PDCD6IP: variants seen among roughly 807,000 people sequenced by gnomAD.
PDCD6IP encodes programmed cell death 6-interacting protein.
PDCD6IP carries 43 observed loss-of-function variants against 103.7 expected under a neutral mutation model. That is an observed-to-expected ratio of 0.41 (90% CI 0.32 to 0.53). The LOEUF (loss-of-function observed/expected upper bound fraction) is 0.53, where lower values mean the gene tolerates loss of function less well. Ranked by LOEUF, PDCD6IP falls within the 20% of genes least tolerant of loss-of-function variation. The pLI, the probability that PDCD6IP is intolerant of heterozygous loss-of-function variation, is 0.16. For missense variants in PDCD6IP, 871 were observed against 1,036.7 expected, an observed-to-expected ratio of 0.84 and a Z score of 2.20; for synonymous variants, 354 against 378.7, an observed-to-expected ratio of 0.93 and a Z score of 0.76.
At chr3:33,814,225 A>C (rs113740201) in intron 3 of PDCD6IP, among the ~76,000 whole-genome samples, 1 of 151,120 alleles carries the variant, frequency 6.6e-6, no homozygotes, top group Non-Finnish European at 1.5e-5. Context: ...GCTCACTGCA[A>C]CCTCTGCCTA....
chr3:33,815,984 G>T (rs990855064), intron 3 of PDCD6IP, among the ~76,000 whole-genome samples: 1 of 152,166 alleles, frequency 6.6e-6, no homozygotes, highest in Non-Finnish European at 1.5e-5. Context: ...CTGGGAATGA[G>T]GTTGAGAAAA....
rs1696817349 is a variant in PDCD6IP at position 33,815,093 on chromosome 3, A to ATATATGTG, written c.334+1465_334+1466insTATATGTG. ...ATTATATAGTATGTGCATACCATAT[A>ATATATGTG]CATACATGTATCTATATATCTTATA... is the stretch of plus-strand genomic sequence containing the variant. On this transcript the variant is annotated intron_variant, in intron 3 of 17. Coordinates refer to ENST00000307296, the MANE Select transcript of PDCD6IP (RefSeq NM_013374.6). Among the ~76,000 whole-genome samples the ATATATGTG allele has an allele frequency of 8.1e-5, 12 of 149,008 alleles. No homozygotes were observed. The Admixed American group carries it at 8.1e-4, about 10-fold the overall frequency.
At chr3:33,800,421 A>T (rs1696450206) in intron 1 of PDCD6IP, among the ~76,000 whole-genome samples, 2 of 152,126 alleles carry the variant, frequency 1.3e-5, no homozygotes. Context: ...AATTGCCCTT[A>T]TCTGAGTCAT....
At chr3:33,855,652 G>T (rs1697810876) in intron 15 of PDCD6IP, among the ~76,000 whole-genome samples, 1 of 152,220 alleles carries the variant, frequency 6.6e-6, no homozygotes, top group Non-Finnish European at 1.5e-5. Context: ...ATCACTTTCA[G>T]AAGGAGGCTG....
In PDCD6IP at chr3:33,822,043, T is replaced by C; in HGVS notation, c.423T>C (p.Asp141=). 6.2e-7 allele frequency: 1 copy of C among 1,614,112 alleles called. No homozygotes were observed. Among genetic ancestry groups the C allele is most frequent in the East Asian group, 2.2e-5 (1 of 44,870 alleles). Residue 141 remains aspartate (D), a synonymous_variant, in exon 4 of 18, where the codon GAT becomes GAC. Coordinates refer to ENST00000307296, the MANE Select transcript of PDCD6IP (RefSeq NM_013374.6). The part of the protein sequence containing the change: ...ASQIAAEQNL[D]NDEGLKIAAK... ...AAATTGCAGCAGAACAGAACCTGGA[T>C]AATGATGAAGGATTGAAAATCGCTG...
Position 33,798,652 on chromosome 3 carries a change from C to T in PDCD6IP, c.-77C>T, listed in dbSNP as rs879206808. The T allele has an allele frequency of 1.5e-6, 2 of 1,339,420 alleles. No homozygotes were observed. Among genetic ancestry groups the T allele is most frequent in the Non-Finnish European group, 2.0e-6 (2 of 989,996 alleles). The allele number at this position is 1,339,420 out of a possible 1,614,324, so 83.0% of individuals were successfully genotyped here. ...GCCAGTCAGTCCGCCAGTCCGCCAGCCCAGTACCTCTCTCTCCTCGGCCCT... is the reference window on the plus strand; with the variant it reads ...GCCAGTCAGTCCGCCAGTCCGCCAGTCCAGTACCTCTCTCTCCTCGGCCCT... On this transcript the variant is annotated 5_prime_UTR_variant, in exon 1 of 18. Transcript: ENST00000307296.
rs777760796 is a variant in PDCD6IP, at chr3:33,841,989, T to C, written c.1274T>C (p.Ile425Thr). 1.9e-6 allele frequency: 3 copies of C among 1,604,290 alleles called. No homozygotes were observed. Among genetic ancestry groups the C allele is most frequent in the Non-Finnish European group, 1.7e-6 (2 of 1,171,068 alleles). Residue 425 changes from isoleucine (I) to threonine (T), a missense_variant, in exon 10 of 18, where the codon ATT becomes ACT. By Grantham distance (89) the Ile-to-Thr change is moderately conservative (BLOSUM62 -1). Around this residue, in one of 5 missense-constraint regions of PDCD6IP, gnomAD observed 266 missense variants for 390.5 expected, o/e 0.68. Transcript: ENST00000307296. ...ATATTGACTAAATCCAGATCTGTGA[T>C]TGAACAGGGAGGCATCCAGACTGTT... ...QSILTKSRSV[I>T]EQGGIQTVDQ...
intron 1 of PDCD6IP, among the ~76,000 whole-genome samples, chr3:33,805,760 T>G (rs1696582161): frequency 6.6e-6 from 1 of 151,548 alleles, no homozygotes; most frequent in African/African-American, 2.4e-5. Context: ...TTTTTTGTTT[T>G]TTGAGATGGA....
At position 33,798,867 on chromosome 3, in the gene PDCD6IP, A is replaced by C; in HGVS notation, c.139A>C (p.Ser47Arg). ...GTACTGCCGCGCGGCGGAGGAGCTC[A>C]GCAAGCTGCGCCGCGCCGCAGTCGG... ...AQYCRAAEEL[S>R]KLRRAAVGRP... Residue 47 changes from serine (S) to arginine (R), a missense_variant, in exon 1 of 18, where the codon AGC (serine) becomes CGC (arginine). By Grantham distance (110) the Ser-to-Arg change is moderately radical (BLOSUM62 -1). Coordinates refer to ENST00000307296, the MANE Select transcript of PDCD6IP (RefSeq NM_013374.6). 6.4e-7 allele frequency: 1 copy of C among 1,550,902 alleles called. No individual in the cohort carries two copies. The highest frequency in any genetic ancestry group is 8.7e-7 in the Non-Finnish European group (1 of 1,146,718).
At chr3:33,844,851 A>G (rs1274487949) in intron 11 of PDCD6IP, among the ~76,000 whole-genome samples, 1 of 151,996 alleles carries the variant, frequency 6.6e-6, no homozygotes, top group Non-Finnish European at 1.5e-5. Flanking sequence ...TTCATTTAGT[A>G]GTGAATCCTG....
At chr3:33,822,981 C>CT (rs745356531) in intron 4 of PDCD6IP, among the ~76,000 whole-genome samples, 36 of 151,552 alleles carry the variant, frequency 2.4e-4, no homozygotes, top group Admixed American at 5.9e-4. Flanking sequence ...ATTTATTCAG[C>CT]TTTTTTTTGT....
chr3:33,810,836 C>T (rs886906443), intron 1 of PDCD6IP, among the ~76,000 whole-genome samples: 3 of 151,836 alleles, frequency 2.0e-5, no homozygotes, highest in Admixed American at 2.0e-4. Flanking sequence ...ACATTGATAT[C>T]TCCAGTTCCA....
At chr3:33,803,720 C>T (rs1472822667) in intron 1 of PDCD6IP, among the ~76,000 whole-genome samples, 1 of 152,086 alleles carries the variant, frequency 6.6e-6, no homozygotes, top group South Asian at 2.1e-4. Context: ...TCAGATTTGC[C>T]AAAGGTTTGG....
chr3:33,857,227 C>T (rs1257725454), intron 15 of PDCD6IP, among the ~76,000 whole-genome samples: 1 of 152,130 alleles, frequency 6.6e-6, no homozygotes, highest in East Asian at 1.9e-4. Context: ...GTCGCCCAGG[C>T]TGGAGTGCAG....
In PDCD6IP at chr3:33,866,294, GT is replaced by G. The variant is rs906591873; in HGVS notation, c.2433-53del. On this transcript the variant is annotated intron_variant, in intron 17 of 17. Transcript: ENST00000307296. ...AAAACGTAGTTCTAGAATGATTATT[GT>G]TTTATTTTTTAGTATTTGATTTACC... 3.9e-5 allele frequency: 42 copies of G among 1,078,498 alleles called. No homozygotes were observed. The African/African-American group carries it at 6.7e-4, about 17-fold the overall frequency. 66.8% of individuals were successfully genotyped at this position (1,078,498 alleles called of 1,614,324 possible).
chr3:33,858,730 A>G (rs1344969046), intron 15 of PDCD6IP, among the ~76,000 whole-genome samples: 1 of 151,942 alleles, frequency 6.6e-6, no homozygotes, highest in Non-Finnish European at 1.5e-5. Context: ...GAATGGCGTG[A>G]ACCCGGGAGG....
intron 3 of PDCD6IP, among the ~76,000 whole-genome samples, chr3:33,815,645 G>A (rs991341745): frequency 6.6e-6 from 1 of 152,164 alleles, no homozygotes; most frequent in Non-Finnish European, 1.5e-5. Context: ...CTTTTCAGAG[G>A]TGAAGTTGAC....
chr3:33,824,105 A>T (rs1435516082), intron 4 of PDCD6IP, among the ~76,000 whole-genome samples: 1 of 152,120 alleles, frequency 6.6e-6, no homozygotes, highest in Non-Finnish European at 1.5e-5. Flanking sequence ...GTAGACTTTG[A>T]TTCACTAGTT....
chr3:33,860,345 G>A (rs1342912001), intron 15 of PDCD6IP, among the ~76,000 whole-genome samples: 1 of 152,122 alleles, frequency 6.6e-6, no homozygotes, highest in African/African-American at 2.4e-5. Flanking sequence ...AGTTTATTTT[G>A]TTAAAGTCGT....
Sources: gnomAD v4.1 joint callset for allele counts (sites outside exome capture counted in the v4.1 genomes callset) on GRCh38, gnomAD v4.1.1 for gene constraint, gnomAD v4.1.1 regional missense constraint, MANE v1.5 for transcripts, NCBI Gene and HGNC (gene_info 2026-07-23, HGNC 2026-07-21) for gene names.